NRXN3: variants seen among roughly 807,000 people sequenced by gnomAD.
NRXN3 encodes the protein neurexin 3, also known as neurexin III.
A neutral mutation model predicts 137.6 loss-of-function variants in NRXN3; 32 were observed. The observed-to-expected ratio is 0.23, with a 90% CI of 0.18 to 0.31. NRXN3 has a LOEUF of 0.31. Among genes scored for constraint, NRXN3 ranks in the 10% least tolerant of loss-of-function variants. The pLI is 1.00. For missense variants in NRXN3, 1,574 were observed against 2,062.5 expected (o/e 0.76, Z 4.59); for synonymous variants, 798 against 784.5 (o/e 1.02, Z -0.29).
chr14:78,990,397 C>G (rs1306348477), intron 15 of NRXN3, among the ~76,000 whole-genome samples: 1 of 110,330 alleles, frequency 9.1e-6, no homozygotes, highest in Non-Finnish European at 1.7e-5. Flanking sequence ...GAGACGGAGT[C>G]TCATTCTGCT....
At chr14:79,151,694 A>G (rs1596516435) in intron 15 of NRXN3, among the ~76,000 whole-genome samples, 1 of 152,016 alleles carries the variant, frequency 6.6e-6, no homozygotes, top group Admixed American at 6.6e-5. Flanking sequence ...GACTCTGATA[A>G]TGGGAATCTC....
intron 15 of NRXN3, among the ~76,000 whole-genome samples, chr14:79,120,315 T>C (rs1380154121): frequency 1.3e-5 from 2 of 152,180 alleles, no homozygotes; most frequent in Non-Finnish European, 1.5e-5. Context: ...ATTGTGGCCA[T>C]GGTGCACCTG....
At chr14:78,474,073 T>C (rs915684823) in intron 4 of NRXN3, among the ~76,000 whole-genome samples, 1 of 152,152 alleles carries the variant, frequency 6.6e-6, no homozygotes, top group Non-Finnish European at 1.5e-5. Context: ...GAGGCCTGCT[T>C]GGAGCCTGGC....
chr14:78,949,602 TTAA>T (rs200047724), intron 10 of NRXN3, among the ~76,000 whole-genome samples: 8,079 of 140,052 alleles, frequency 0.058, 405 homozygotes, highest in African/African-American at 0.15. Flanking sequence ...ATTTTTTTTT[TTAA>T]AAAAAAACTA....
intron 19 of NRXN3, among the ~76,000 whole-genome samples, chr14:79,720,236 C>T (rs77606069): frequency 0.011 from 1,729 of 152,154 alleles, 45 homozygotes; most frequent in East Asian, 0.067. Context: ...ATAAAACCAT[C>T]AGATCTCTTG....
chr14:78,981,491 C>A (rs2099489326), intron 14 of NRXN3, among the ~76,000 whole-genome samples: 1 of 152,146 alleles, frequency 6.6e-6, no homozygotes, highest in African/African-American at 2.4e-5. Flanking sequence ...TCTCAGTTTA[C>A]TTTTCTGAAG....
At chr14:78,996,830 A>G (rs1027530718) in intron 15 of NRXN3, among the ~76,000 whole-genome samples, 2 of 152,088 alleles carry the variant, frequency 1.3e-5, no homozygotes, top group African/African-American at 4.8e-5. Context: ...ATTTCTCTGC[A>G]TCTGTTTTTA....
chr14:78,892,811 T>TGTGA (rs1555555064), intron 10 of NRXN3, among the ~76,000 whole-genome samples: 1 of 149,972 alleles, frequency 6.7e-6, no homozygotes, highest in Non-Finnish European at 1.5e-5. Flanking sequence ...TGTGTGTGTG[T>TGTGA]GGTGTTTGCT....
At chr14:79,130,798 C>T (rs897057920) in intron 15 of NRXN3, among the ~76,000 whole-genome samples, 9 of 152,088 alleles carry the variant, frequency 5.9e-5, no homozygotes, top group South Asian at 2.1e-4. Context: ...CCATTCTCCC[C>T]GTCACTTTCA....
chr14:79,529,246 C>T (rs1344984648), intron 16 of NRXN3, among the ~76,000 whole-genome samples: 2 of 152,112 alleles, frequency 1.3e-5, no homozygotes, highest in African/African-American at 2.4e-5. Flanking sequence ...GTGACAGGGG[C>T]TGCATGCACC....
intron 16 of NRXN3, among the ~76,000 whole-genome samples, chr14:79,479,411 T>TCCTTAACTTA (rs1812482307): frequency 1.3e-5 from 2 of 152,104 alleles, no homozygotes; most frequent in Non-Finnish European, 2.9e-5. Flanking sequence ...AGTAACCATT[T>TCCTTAACTTA]GTTAAAGGTG....
In NRXN3 at chr14:78,711,864, A is replaced by AT. The variant is rs540814365; in HGVS notation, c.1660+2215dup. Among the ~76,000 whole-genome samples, 5 of 152,256 alleles carry AT rather than the reference A, an allele frequency of 3.3e-5. No individual in the cohort carries two copies. The South Asian group carries it at 1.0e-3, about 32-fold the overall frequency. On this transcript the variant is annotated intron_variant, in intron 7 of 20. Transcript: ENST00000335750. The stretch of plus-strand genomic sequence containing the variant: ...TTTTAATACAGTCTGTTAAACTTTC[A>AT]TTTTTTCATGAGAATGTTTTCTGGT...
At chr14:78,548,612 T>G (rs1377844821) in intron 4 of NRXN3, among the ~76,000 whole-genome samples, 2 of 152,196 alleles carry the variant, frequency 1.3e-5, no homozygotes, top group Non-Finnish European at 2.9e-5. Context: ...TCCCAAACCC[T>G]TTTCCGTTGC....
intron 2 of NRXN3, among the ~76,000 whole-genome samples, chr14:78,245,042 C>A (rs912020945): frequency 3.9e-5 from 6 of 152,168 alleles, no homozygotes; most frequent in African/African-American, 1.4e-4. Flanking sequence ...GCAGGAACTG[C>A]TGACATGAGA....
At chr14:78,984,748 G>A (rs2099498785) in intron 14 of NRXN3, among the ~76,000 whole-genome samples, 1 of 152,168 alleles carries the variant, frequency 6.6e-6, no homozygotes, top group Non-Finnish European at 1.5e-5. Flanking sequence ...TCCAGGAGAT[G>A]CAGATGCTGC....
chr14:79,471,868 G>T (rs2096513520), intron 16 of NRXN3, among the ~76,000 whole-genome samples: 1 of 152,110 alleles, frequency 6.6e-6, no homozygotes, highest in Non-Finnish European at 1.5e-5. Context: ...GGGTACAAGT[G>T]CAGGTTTGTA....
At chr14:79,009,140 G>A (rs1319595818) in intron 15 of NRXN3, among the ~76,000 whole-genome samples, 1 of 152,090 alleles carries the variant, frequency 6.6e-6, no homozygotes, top group East Asian at 1.9e-4. Flanking sequence ...CACCTATTGA[G>A]TATGAATGTT....
chr14:79,219,295 T>C (rs2069102898), intron 15 of NRXN3, among the ~76,000 whole-genome samples: 1 of 152,124 alleles, frequency 6.6e-6, no homozygotes, highest in African/African-American at 2.4e-5. Context: ...TTTTATTTAT[T>C]ATTTATTTAT....
chr14:78,575,508 A>G lies in NRXN3; in HGVS notation c.758-69612A>G, dbSNP rs139340497. 5.6e-3 allele frequency among the ~76,000 whole-genome samples: 859 copies of G among 152,342 alleles called. 6 individuals are homozygous for G. Among genetic ancestry groups the G allele is most frequent in the African/African-American group, 0.02 (819 of 41,592 alleles). The stretch of plus-strand genomic sequence containing the variant: ...GAATGCTTGATCTCTGGGGATTCCC[A>G]GAAGCCCATTCATGAAAGTGGTTCA... On this transcript the variant is annotated intron_variant, in intron 4 of 20. Transcript: ENST00000335750.
Sources: gnomAD v4.1 joint callset for allele counts (sites outside exome capture counted in the v4.1 genomes callset) on GRCh38, gnomAD v4.1.1 for gene constraint, MANE v1.5 for transcripts, NCBI Gene and HGNC (gene_info 2026-07-23, HGNC 2026-07-21) for gene names.